Variants in NAV3 observed in about 807,000 individuals in gnomAD.
NAV3 encodes pore membrane and/or filament interacting like protein 1.
A neutral mutation model predicts 244.7 loss-of-function variants in NAV3; 87 were observed. The observed-to-expected ratio is 0.36, with a 90% CI of 0.30 to 0.42. NAV3 has a LOEUF of 0.42. Ranked by LOEUF, NAV3 falls within the 20% of genes least tolerant of loss-of-function variation. The probability of loss-of-function intolerance (pLI) is 1.00; values close to 1 mark genes in which losing one functional copy is unlikely to be tolerated. For missense variants in NAV3, 2,663 were observed against 2,893.3 expected, an observed-to-expected ratio of 0.92 and a Z score of 1.83; for synonymous variants, 1,126 against 1,042.2, an observed-to-expected ratio of 1.08 and a Z score of -1.55.
At chr12:78,197,213 C>T in intron 34 of NAV3, 34 bp from the exon 35 acceptor site, 1 of 1,468,226 alleles carries the variant, frequency 6.8e-7, no homozygotes, top group Non-Finnish European at 9.1e-7. Context: ...ATAAATTTAT[C>T]ACTGACGTAT....
At chr12:77,736,530 G>A (rs2069859548) in intron 2 of NAV3, among the ~76,000 whole-genome samples, 1 of 152,144 alleles carries the variant, frequency 6.6e-6, no homozygotes, top group Non-Finnish European at 1.5e-5. Flanking sequence ...GCCCTGCGAT[G>A]TAATCCCAAA....
At chr12:78,022,868 C>T (rs544677744) in intron 9 of NAV3, among the ~76,000 whole-genome samples, 26 of 152,220 alleles carry the variant, frequency 1.7e-4, no homozygotes, top group Admixed American at 1.5e-3. Flanking sequence ...ATTTTGGAAT[C>T]AGCATTAGTT....
At chr12:78,139,909 A>G (rs958891598) in intron 19 of NAV3, among the ~76,000 whole-genome samples, 7 of 152,186 alleles carry the variant, frequency 4.6e-5, no homozygotes, top group African/African-American at 1.7e-4. Context: ...AAATGAAATA[A>G]ATAAGGTACA....
At chr12:78,077,140 G>GT (rs911764083) in intron 12 of NAV3, among the ~76,000 whole-genome samples, 10 of 151,872 alleles carry the variant, frequency 6.6e-5, no homozygotes, top group African/African-American at 1.9e-4. Flanking sequence ...TTCTTCTTAA[G>GT]TTTTTTTCAT....
intron 12 of NAV3, among the ~76,000 whole-genome samples, chr12:78,082,216 G>A (rs1395225947): frequency 1.3e-5 from 2 of 152,180 alleles, no homozygotes. Context: ...GGAACTGTGA[G>A]TCAATTAAAC....
intron 2 of NAV3, among the ~76,000 whole-genome samples, chr12:77,661,419 T>C (rs1873441716): frequency 6.6e-6 from 1 of 152,108 alleles, no homozygotes. Flanking sequence ...TTGAATTGAG[T>C]TGAAAGAGTT....
In NAV3 at chr12:77,830,974, T is replaced by C. The variant is rs2136065284; in HGVS notation, c.-488T>C. 6.6e-6 allele frequency: 1 copy of C among 152,366 alleles called. No individual in the cohort carries two copies. Among genetic ancestry groups the C allele is most frequent in the East Asian group, 1.9e-4 (1 of 5,186 alleles). 9.4% of individuals were successfully genotyped at this position (152,366 alleles called of 1,614,324 possible). ...AGTTGGACTGAAGGGCTTTTCCTTT[T>C]GATTTTTTCCTCTTTTTCAATCTCA... is the stretch of plus-strand genomic sequence containing the variant. On this transcript the variant is annotated 5_prime_UTR_variant, in exon 1 of 40. Transcript: ENST00000397909.
In NAV3 at chr12:78,180,972, C is replaced by T. The variant is rs1236890975; in HGVS notation, c.5619C>T (p.Thr1873=). 1 of 1,613,276 alleles carries T rather than the reference C, an allele frequency of 6.2e-7. No homozygotes were observed. The highest frequency in any genetic ancestry group is 1.1e-5 in the South Asian group (1 of 91,054). ...TRPPSESSSS[T]SSSSSRQSLG... ...CACCGTCAGAATCCTCAAGCAGCAC[C>T]TCCTCTTCATCTTCCAGGCAGTCAT... is the stretch of plus-strand genomic sequence containing the variant. The change falls in exon 30 of 40, where the codon ACC becomes ACT. Residue 1873 remains threonine (T), a synonymous_variant. Coordinates refer to ENST00000397909, the MANE Select transcript of NAV3 (RefSeq NM_001024383.2).
chr12:77,924,689 A>T (rs1888023083), intron 1 of NAV3, among the ~76,000 whole-genome samples: 1 of 152,224 alleles, frequency 6.6e-6, no homozygotes, highest in Non-Finnish European at 1.5e-5. Flanking sequence ...CTATGAAAGT[A>T]AATTAGTTTC....
intron 12 of NAV3, among the ~76,000 whole-genome samples, chr12:78,070,018 CT>C (rs1329697892): frequency 6.6e-6 from 1 of 152,020 alleles, no homozygotes; most frequent in Non-Finnish European, 1.5e-5. Flanking sequence ...AACTATGCTT[CT>C]TTATGAAACT....
At chr12:78,026,952 A>T (rs927149600) in intron 9 of NAV3, among the ~76,000 whole-genome samples, 1 of 152,230 alleles carries the variant, frequency 6.6e-6, no homozygotes, top group Non-Finnish European at 1.5e-5. Flanking sequence ...AAATAATCAC[A>T]GTGAACTTAT....
chr12:77,588,474 G>A (rs1178532228), intron 2 of NAV3, among the ~76,000 whole-genome samples: 1 of 152,018 alleles, frequency 6.6e-6, no homozygotes, highest in Non-Finnish European at 1.5e-5. Flanking sequence ...ACCCCGTGGG[G>A]CACTTAAATT....
intron 1 of NAV3, among the ~76,000 whole-genome samples, chr12:77,929,503 T>A (rs2137290850): frequency 6.6e-6 from 1 of 152,252 alleles, no homozygotes; most frequent in Middle Eastern, 3.4e-3. Context: ...GTCAAATCTG[T>A]TTCACTTTCA....
intron 3 of NAV3, among the ~76,000 whole-genome samples, chr12:77,952,461 A>AT (rs959441397): frequency 1.3e-4 from 20 of 151,726 alleles, no homozygotes; most frequent in African/African-American, 1.2e-4. Context: ...TTATTTTCCC[A>AT]TTTTTTCACC....
rs1959978576 is a variant in NAV3 at position 78,203,666 on chromosome 12, C to T, written c.6835-1269C>T. On this transcript the variant is annotated intron_variant, in intron 38 of 39. Transcript: ENST00000397909. The stretch of plus-strand genomic sequence containing the variant: ...AAAACAAACTATACAAAACAGCCAT[C>T]TAACAACAAACCAAAGTATGTCATC... 3.3e-5 allele frequency among the ~76,000 whole-genome samples: 5 copies of T among 152,136 alleles called. No individual in the cohort carries two copies. In the South Asian group the frequency reaches 1.0e-3, roughly 32 times the overall value.
intron 19 of NAV3, among the ~76,000 whole-genome samples, chr12:78,138,912 A>C (rs167275): frequency 6.6e-6 from 1 of 152,092 alleles, no homozygotes; most frequent in Admixed American, 6.6e-5. Context: ...ATTGAACTAG[A>C]TTGAAGGGAC....
intron 12 of NAV3, among the ~76,000 whole-genome samples, chr12:78,073,561 A>T (rs1378957741): frequency 2.6e-5 from 4 of 151,894 alleles, no homozygotes; most frequent in African/African-American, 9.7e-5. Context: ...ATGGAAGAAC[A>T]TTCCATGCTC....
At chr12:77,986,891 T>G (rs1400131596) in intron 5 of NAV3, among the ~76,000 whole-genome samples, 1 of 152,098 alleles carries the variant, frequency 6.6e-6, no homozygotes, top group Non-Finnish European at 1.5e-5. Flanking sequence ...GTTCCATGAT[T>G]GATTAGTGAT....
chr12:78,192,102 C>T (rs1959008386), intron 34 of NAV3, among the ~76,000 whole-genome samples: 1 of 151,900 alleles, frequency 6.6e-6, no homozygotes, highest in African/African-American at 2.4e-5. Flanking sequence ...GTCTATCTAT[C>T]CATCTATCTA....
Sources: allele counts gnomAD v4.1 joint callset (sites outside exome capture counted in the v4.1 genomes callset), GRCh38; gene constraint gnomAD v4.1.1; transcripts MANE v1.5; gene names NCBI Gene and HGNC (gene_info 2026-07-23, HGNC 2026-07-21).